UCK2: variants seen among roughly 807,000 people sequenced by gnomAD.
UCK2 encodes the protein uridine-cytidine kinase 2.
A neutral mutation model predicts 30.8 loss-of-function variants in UCK2; 6 were observed. That is an observed-to-expected ratio of 0.19 (90% CI 0.11 to 0.38). The LOEUF is 0.38. UCK2 is among the 10% of genes least tolerant of loss of function. UCK2 has a pLI of 1.00. For synonymous variants in UCK2, 125 were observed against 133.6 expected, an observed-to-expected ratio of 0.94 and a Z score of 0.45; for missense variants, 210 against 339.8, an observed-to-expected ratio of 0.62 and a Z score of 3.00.
At chr1:165,860,347 T>C (rs2101864274) in intron 1 of UCK2, among the ~76,000 whole-genome samples, 1 of 152,348 alleles carries the variant, frequency 6.6e-6, no homozygotes, top group East Asian at 1.9e-4. Flanking sequence ...CAATTGCTTT[T>C]CTACTGTTGA....
intron 1 of UCK2, among the ~76,000 whole-genome samples, chr1:165,864,432 T>C (rs545763920): frequency 6.6e-6 from 1 of 152,284 alleles, no homozygotes; most frequent in Non-Finnish European, 1.5e-5. Context: ...TATCAGTATA[T>C]TGTGTATGGG....
At chr1:165,838,749 T>C (rs1267669234) in intron 1 of UCK2, among the ~76,000 whole-genome samples, 1 of 149,132 alleles carries the variant, frequency 6.7e-6, no homozygotes. Context: ...TGTTTAGTGG[T>C]GCATTAAAAA....
intron 1 of UCK2, among the ~76,000 whole-genome samples, chr1:165,847,419 A>C (rs1654479694): frequency 6.6e-6 from 1 of 152,254 alleles, no homozygotes; most frequent in African/African-American, 2.4e-5. Context: ...GCCTGTAACC[A>C]AAAGTCAGTA....
intron 1 of UCK2, among the ~76,000 whole-genome samples, chr1:165,880,363 G>C (rs1000754945): frequency 5.9e-5 from 9 of 152,146 alleles, no homozygotes; most frequent in African/African-American, 1.9e-4. Context: ...GGCCCAGTTT[G>C]TTGTTTTTCA....
At chr1:165,877,039 G>A (rs1655354239) in intron 1 of UCK2, among the ~76,000 whole-genome samples, 1 of 152,214 alleles carries the variant, frequency 6.6e-6, no homozygotes, top group South Asian at 2.1e-4. Context: ...GAGGTTGGGG[G>A]AGTTAGAATA....
chr1:165,869,866 T>C (rs1311634534), intron 1 of UCK2, among the ~76,000 whole-genome samples: 4 of 151,996 alleles, frequency 2.6e-5, no homozygotes, highest in Non-Finnish European at 5.9e-5. Context: ...GCCCAGGCTA[T>C]TCTTGAGCTC....
In UCK2 at chr1:165,879,473, A is replaced by G. The variant is rs550813571; in HGVS notation, c.100-10731A>G. ...TGGGTCTGAAATAAGAGTTTGGCCC[A>G]TATCTACTGATAGTTCTGCCAGTTT... On this transcript the variant is annotated intron_variant, in intron 1 of 6. Transcript: ENST00000367879. Among the ~76,000 whole-genome samples the G allele has an allele frequency of 3.9e-4, 60 of 152,254 alleles. 1 individual carries two copies. The South Asian group carries it at 6.0e-3, about 15-fold the overall frequency.
Position 165,827,734 on chromosome 1 carries a change from C to G in UCK2, c.-100C>G, listed in dbSNP as rs936477268. 2.3e-5 allele frequency: 26 copies of G among 1,108,322 alleles called. No homozygotes were observed. In the South Asian group the frequency reaches 7.8e-4, roughly 33 times the overall value. The allele number at this position is 1,108,322 out of a possible 1,614,324, so 68.7% of individuals were successfully genotyped here. A position where few individuals can be genotyped will look rare whatever the true frequency, so the allele number is the denominator to read the frequency against. ...GACAGCGGCCTCAGCCCCGGCAGCG[C>G]CCAGCGGCGGCTGCGGAAAGCGGAG... On this transcript the variant is annotated 5_prime_UTR_variant, in exon 1 of 7. Coordinates refer to ENST00000367879, the MANE Select transcript of UCK2 (RefSeq NM_012474.5).
intron 1 of UCK2, among the ~76,000 whole-genome samples, chr1:165,859,378 G>A (rs1654832642): frequency 6.6e-6 from 1 of 152,176 alleles, no homozygotes; most frequent in Non-Finnish European, 1.5e-5. Flanking sequence ...TCCTCCGCTG[G>A]TGTCTGAGTT....
chr1:165,903,514 C>T (rs1355619315), intron 5 of UCK2, among the ~76,000 whole-genome samples: 1 of 152,078 alleles, frequency 6.6e-6, no homozygotes, highest in African/African-American at 2.4e-5. Flanking sequence ...TCCTGCCAGT[C>T]CTTAGGCAGG....
rs1028212597 is a variant in UCK2, at chr1:165,903,051, T to G, written c.500-131T>G. On this transcript the variant is annotated intron_variant, in intron 4 of 6. Coordinates refer to ENST00000367879, the MANE Select transcript of UCK2 (RefSeq NM_012474.5). ...CTGCTGATCTGCTCTTGGTCAAGCC[T>G]CTCAGGATTCCAGCTTGAGAATCAT... 4.4e-6 allele frequency: 3 copies of G among 675,910 alleles called. 1 individual carries two copies. In the African/African-American group the frequency reaches 5.4e-5, roughly 12 times the overall value. 41.9% of individuals were successfully genotyped at this position (675,910 alleles called of 1,614,324 possible). A position where few individuals can be genotyped will look rare whatever the true frequency, so the allele number is the denominator to read the frequency against.
intron 3 of UCK2, among the ~76,000 whole-genome samples, chr1:165,893,056 T>C (rs902380671): frequency 6.6e-6 from 1 of 152,094 alleles, no homozygotes; most frequent in Non-Finnish European, 1.5e-5. Flanking sequence ...GAAAGGTCAT[T>C]GTGGTGGCAG....
At chr1:165,865,879 CT>C (rs1388298033) in intron 1 of UCK2, among the ~76,000 whole-genome samples, 1 of 152,210 alleles carries the variant, frequency 6.6e-6, no homozygotes, top group Non-Finnish European at 1.5e-5. Flanking sequence ...CAGGCCAGTT[CT>C]TTTGATTCTA....
At chr1:165,840,564 T>A (rs561825719) in intron 1 of UCK2, among the ~76,000 whole-genome samples, 1 of 152,326 alleles carries the variant, frequency 6.6e-6, no homozygotes, top group South Asian at 2.1e-4. Flanking sequence ...CCTGACAGGG[T>A]CCAGGAATGG....
intron 1 of UCK2, among the ~76,000 whole-genome samples, chr1:165,869,633 G>A (rs1210277243): frequency 6.8e-6 from 1 of 146,064 alleles, no homozygotes; most frequent in Non-Finnish European, 1.5e-5. Flanking sequence ...ATCCTAATGG[G>A]TATGAAAGAG....
chr1:165,858,639 T>G (rs1168318401), intron 1 of UCK2, among the ~76,000 whole-genome samples: 1 of 152,128 alleles, frequency 6.6e-6, no homozygotes, highest in African/African-American at 2.4e-5. Context: ...GCCCCTGTGT[T>G]GACTCCCTGC....
At chr1:165,893,086 T>A (rs3790655) in intron 3 of UCK2, among the ~76,000 whole-genome samples, 51,455 of 151,946 alleles carry the variant, frequency 0.34, 9,152 homozygotes, top group East Asian at 0.49. Context: ...GGATCTGCAA[T>A]GCCATTTGTG....
chr1:165,840,946 T>G (rs1238589051), intron 1 of UCK2, among the ~76,000 whole-genome samples: 1 of 152,156 alleles, frequency 6.6e-6, no homozygotes, highest in Non-Finnish European at 1.5e-5. Flanking sequence ...CATAGATTAT[T>G]CCCAGCACCA....
intron 1 of UCK2, among the ~76,000 whole-genome samples, chr1:165,843,901 T>C (rs1174574589): frequency 6.6e-6 from 1 of 152,246 alleles, no homozygotes; most frequent in Non-Finnish European, 1.5e-5. Flanking sequence ...TAATACCATT[T>C]GAAATAATTT....
Sources: allele counts gnomAD v4.1 joint callset (sites outside exome capture counted in the v4.1 genomes callset), GRCh38; gene constraint gnomAD v4.1.1; transcripts MANE v1.5; gene names NCBI Gene and HGNC (gene_info 2026-07-23, HGNC 2026-07-21).